Variants in OPHN1 observed in about 807,000 individuals in gnomAD.
The protein encoded by OPHN1 is oligophrenin-1.
OPHN1 carries 11 observed loss-of-function variants against 60.7 expected under a neutral mutation model. The observed-to-expected ratio is 0.18, with a 90% confidence interval of 0.11 to 0.30. The LOEUF is 0.30. Among genes scored for constraint, OPHN1 ranks in the 10% least tolerant of loss-of-function variants. The pLI is 1.00. For missense variants in OPHN1, 449 were observed against 611.0 expected, an observed-to-expected ratio of 0.73 and a Z score of 2.80; for synonymous variants, 226 against 222.6, an observed-to-expected ratio of 1.02 and a Z score of -0.14.
At chrX:68,358,871 C>T (rs1305935480) in intron 2 of OPHN1, among the ~76,000 whole-genome samples, 5 of 111,727 alleles carry the variant, frequency 4.5e-5, no homozygotes, top group Admixed American at 9.6e-5. Flanking sequence ...CCAAATCACA[C>T]GACTGTTAAG....
chrX:68,432,805 G>T, intron 2 of OPHN1, 62 bp downstream of exon 2: 1 of 1,159,633 alleles, frequency 8.6e-7, no homozygotes, highest in Non-Finnish European at 1.2e-6. Flanking sequence ...TGGTGGTGTG[G>T]AAAGGCTTAA....
intron 21 of OPHN1, among the ~76,000 whole-genome samples, chrX:68,059,775 GAGCTAAGA>G (rs1402641488): frequency 1.8e-5 from 2 of 111,182 alleles, no homozygotes; most frequent in African/African-American, 3.3e-5. Flanking sequence ...CAGAGGAAAG[GAGCTAAGA>G]AGGGCCCCTC....
intron 2 of OPHN1, among the ~76,000 whole-genome samples, chrX:68,412,798 G>C (rs114273721): frequency 0.013 from 1,450 of 111,898 alleles, 24 homozygotes; most frequent in African/African-American, 0.045. Flanking sequence ...TAAAAAGAAA[G>C]ACACTAGACC....
chrX:68,322,729 G>A (rs907672948), intron 2 of OPHN1, among the ~76,000 whole-genome samples: 1 of 111,647 alleles, frequency 9.0e-6, no homozygotes, highest in Non-Finnish European at 1.9e-5. Context: ...GGAGGTTGCA[G>A]TGAGCCAAGA....
chrX:68,419,503 C>G (rs1231028385), intron 2 of OPHN1, among the ~76,000 whole-genome samples: 1 of 108,788 alleles, frequency 9.2e-6, no homozygotes, highest in Non-Finnish European at 1.9e-5. Context: ...CTATAAAATA[C>G]CATCCTACTT....
intron 5 of OPHN1, among the ~76,000 whole-genome samples, chrX:68,259,645 G>T (rs974084559): frequency 9.0e-6 from 1 of 111,436 alleles, no homozygotes; most frequent in Admixed American, 9.6e-5. Flanking sequence ...TATGTGGTAA[G>T]TACTATAATT....
intron 15 of OPHN1, chrX:68,192,680 G>A: frequency 2.6e-6 from 1 of 388,734 alleles, no homozygotes; most frequent in Non-Finnish European, 4.5e-6. Context: ...TGTAGGGAAA[G>A]AAGTTGTATT....
chrX:68,381,524 A>G (rs1003429853), intron 2 of OPHN1, among the ~76,000 whole-genome samples: 3 of 111,003 alleles, frequency 2.7e-5, no homozygotes, highest in Admixed American at 9.6e-5. Context: ...ACCATCTCCA[A>G]CCTATTTCAA....
At chrX:68,357,225 A>T (rs1014403639) in intron 2 of OPHN1, among the ~76,000 whole-genome samples, 1 of 111,409 alleles carries the variant, frequency 9.0e-6, no homozygotes, top group Non-Finnish European at 1.9e-5. Flanking sequence ...AGCAAAACAG[A>T]GTGTATCTGT....
chrX:68,071,156 G>A, intron 20 of OPHN1: 1 of 745,227 alleles, frequency 1.3e-6, no homozygotes, highest in East Asian at 3.2e-5. Context: ...GCCAGGAAGG[G>A]TCGCTATGGG....
intron 2 of OPHN1, among the ~76,000 whole-genome samples, chrX:68,340,589 A>T (rs1329093701): frequency 8.9e-6 from 1 of 112,131 alleles, no homozygotes; most frequent in African/African-American, 3.2e-5. Flanking sequence ...AAAATCTAAA[A>T]CTATAATACT....
chrX:68,185,368 C>T (rs1028072966), intron 15 of OPHN1, among the ~76,000 whole-genome samples: 5 of 111,828 alleles, frequency 4.5e-5, no homozygotes, highest in Admixed American at 9.5e-5. Context: ...ATATTTCCTA[C>T]GTGTCATCCA....
chrX:68,352,015 T>C (rs1244020839), intron 2 of OPHN1, among the ~76,000 whole-genome samples: 1 of 108,633 alleles, frequency 9.2e-6, no homozygotes, highest in Non-Finnish European at 1.9e-5. Context: ...TAGCTGGGAC[T>C]ACAGTTGCCC....
intron 15 of OPHN1, among the ~76,000 whole-genome samples, chrX:68,139,842 C>T (rs1041169092): frequency 8.9e-6 from 1 of 112,039 alleles, no homozygotes; most frequent in African/African-American, 3.2e-5. Flanking sequence ...GCTAAGAAAA[C>T]AGGTAGGGGA....
Position 68,318,666 on chromosome X carries a change from T to C in OPHN1, c.155-19570A>G, listed in dbSNP as rs751766674. 3.6e-5 allele frequency among the ~76,000 whole-genome samples: 4 copies of C among 112,164 alleles called. No individual in the cohort carries two copies. The South Asian group carries it at 1.5e-3, about 42-fold the overall frequency. ...GTCACAACTAGTGAATATTGATACA[T>C]TATTAAAGTCCATACTTTAATCAGA... On this transcript the variant is annotated intron_variant, in intron 2 of 24. Coordinates refer to ENST00000355520, the MANE Select transcript of OPHN1 (RefSeq NM_002547.3).
At chrX:68,196,181 G>T (rs769151836) in intron 12 of OPHN1, among the ~76,000 whole-genome samples, 2 of 111,753 alleles carry the variant, frequency 1.8e-5, no homozygotes, top group African/African-American at 3.2e-5. Flanking sequence ...CCAGGATACT[G>T]AGGACACATA....
At chrX:68,154,169 T>C (rs1272215590) in intron 15 of OPHN1, among the ~76,000 whole-genome samples, 1 of 112,505 alleles carries the variant, frequency 8.9e-6, no homozygotes, top group Non-Finnish European at 1.9e-5. Context: ...TTTCTGTGAA[T>C]TATTTCAGAT....
intron 2 of OPHN1, among the ~76,000 whole-genome samples, chrX:68,419,661 C>A (rs2147785082): frequency 9.2e-6 from 1 of 108,655 alleles, no homozygotes; most frequent in African/African-American, 3.4e-5. Context: ...CCACCTCAGC[C>A]TCCTGAGTAG....
At chrX:68,276,923 C>G (rs1434315723) in intron 4 of OPHN1, among the ~76,000 whole-genome samples, 1 of 111,366 alleles carries the variant, frequency 9.0e-6, no homozygotes, top group African/African-American at 3.3e-5. Flanking sequence ...TTCCTGCCAT[C>G]CCCACTGGAA....
Sources: gnomAD v4.1 joint callset for allele counts (sites outside exome capture counted in the v4.1 genomes callset) on GRCh38, gnomAD v4.1.1 for gene constraint, MANE v1.5 for transcripts, NCBI Gene and HGNC (gene_info 2026-07-23, HGNC 2026-07-21) for gene names.